SLC7A8: variants seen among roughly 807,000 people sequenced by gnomAD.
SLC7A8 encodes the protein solute carrier family 7 member 8, also known as large neutral amino acids transporter small subunit 2.
In SLC7A8, 30 loss-of-function variants were observed where a neutral mutation model predicts 51.2. That is an observed-to-expected ratio of 0.59 (90% CI 0.44 to 0.80). SLC7A8 has a LOEUF of 0.80. Ranked by LOEUF, SLC7A8 falls within the 30% of genes least tolerant of loss-of-function variation. The probability of loss-of-function intolerance (pLI) is 0.00; values close to 1 mark genes in which losing one functional copy is unlikely to be tolerated. For synonymous variants in SLC7A8, 257 were observed against 275.8 expected, an observed-to-expected ratio of 0.93 and a Z score of 0.67; for missense variants, 612 against 674.4, an observed-to-expected ratio of 0.91 and a Z score of 1.03.
chr14:23,179,888 C>T (rs1295886216), intron 1 of SLC7A8, among the ~76,000 whole-genome samples: 1 of 149,244 alleles, frequency 6.7e-6, no homozygotes, highest in Non-Finnish European at 1.5e-5. Context: ...ACTTAGAAAA[C>T]TTCCTTTCTC....
chr14:23,171,507 A>G (rs1035147400), intron 1 of SLC7A8, among the ~76,000 whole-genome samples: 7 of 152,216 alleles, frequency 4.6e-5, no homozygotes, highest in Non-Finnish European at 7.3e-5. Context: ...ACAGCCATCA[A>G]AGAATTTCCT....
chr14:23,140,550 C>T lies in SLC7A8; in HGVS notation c.709G>A (p.Ala237Thr). ...TAGGCAAAGGAGCCCTGAAGGAAAG[C>T]CAGTGCGACGAGGCCGATGTCAGGT... ...QEPDIGLVALAFLQGSFAYGG... is the reference protein window; with the variant it reads ...QEPDIGLVALTFLQGSFAYGG... The change falls in exon 5 of 11, where the codon GCT becomes ACT. Residue 237 changes from alanine to threonine, a missense_variant. By Grantham distance (58) the Ala-to-Thr change is moderately conservative. Coordinates refer to ENST00000316902, the MANE Select transcript of SLC7A8 (RefSeq NM_012244.4). The T allele has an allele frequency of 1.2e-6, 2 of 1,614,144 alleles. No individual in the cohort carries two copies. The highest frequency in any genetic ancestry group is 2.2e-5 in the South Asian group (2 of 91,076).
chr14:23,155,242 A>G (rs1166486293), intron 3 of SLC7A8: 1 of 1,535,972 alleles, frequency 6.5e-7, no homozygotes, highest in Non-Finnish European at 8.7e-7. Context: ...TCTCTCTTCC[A>G]AGGACACACC....
intron 7 of SLC7A8, among the ~76,000 whole-genome samples, chr14:23,131,955 T>C (rs1389336586): frequency 1.3e-5 from 2 of 151,482 alleles, no homozygotes; most frequent in Non-Finnish European, 2.9e-5. Context: ...GATTCCCTAA[T>C]ACACTGGGAC....
intron 4 of SLC7A8, among the ~76,000 whole-genome samples, chr14:23,141,535 C>T (rs947071349): frequency 2.0e-5 from 3 of 152,138 alleles, no homozygotes; most frequent in Non-Finnish European, 4.4e-5. Flanking sequence ...CTGCAACCTC[C>T]GCCTCCCAGG....
At chr14:23,158,782 T>C (rs2048907149) in intron 3 of SLC7A8, among the ~76,000 whole-genome samples, 1 of 152,238 alleles carries the variant, frequency 6.6e-6, no homozygotes, top group South Asian at 2.1e-4. Context: ...ATTCTACTCC[T>C]AAATCTTTCT....
At position 23,165,183 on chromosome 14, in the gene SLC7A8, G is replaced by A. The variant is rs1451514614; in HGVS notation, c.508+102C>T. On this transcript the variant is annotated intron_variant, in intron 3 of 10. Transcript: ENST00000316902. The surrounding 1 kb of genome is among the most constrained non-coding windows in gnomAD (Gnocchi z 4.2). ...CAGTGAGCTATGATCATGCGGCTGC[G>A]CTCCAGCCTGAGTGACAGAGTGAAG... The A allele has an allele frequency of 1.2e-5, 15 of 1,208,022 alleles. No homozygotes were observed. The highest frequency in any genetic ancestry group is 2.9e-4 in the Middle Eastern group (1 of 3,422). The allele number at this position is 1,208,022 out of a possible 1,614,324, so 74.8% of individuals were successfully genotyped here. A position where few individuals can be genotyped will look rare whatever the true frequency, so the allele number is the denominator to read the frequency against.
At chr14:23,132,100 G>A (rs563844977) in intron 7 of SLC7A8, among the ~76,000 whole-genome samples, 2 of 149,244 alleles carry the variant, frequency 1.3e-5, no homozygotes, top group South Asian at 4.2e-4. Context: ...CGCCTCCCAG[G>A]TTTAAGCAAT....
intron 1 of SLC7A8, among the ~76,000 whole-genome samples, chr14:23,167,632 C>G (rs954036389): frequency 3.9e-5 from 6 of 152,072 alleles, no homozygotes; most frequent in African/African-American, 1.4e-4. Flanking sequence ...GTTCCTCTGT[C>G]CACTTCTTGT....
chr14:23,176,667 C>T (rs866596992), intron 1 of SLC7A8, among the ~76,000 whole-genome samples: 5 of 151,990 alleles, frequency 3.3e-5, no homozygotes, highest in Non-Finnish European at 4.4e-5. Context: ...TTAGGCTGGG[C>T]GCGGTGGCTC....
intron 5 of SLC7A8, 54 bp from the exon 6 acceptor site, chr14:23,139,601 G>A (rs2048724117): frequency 6.3e-7 from 1 of 1,580,160 alleles, no homozygotes; most frequent in Non-Finnish European, 8.6e-7. Context: ...CACCCGCCTT[G>A]CCATGGAGTC....
chr14:23,166,960 T>C (rs2048953508), intron 1 of SLC7A8, among the ~76,000 whole-genome samples: 1 of 152,098 alleles, frequency 6.6e-6, no homozygotes, highest in Non-Finnish European at 1.5e-5. Flanking sequence ...CCTTCAAGAC[T>C]CTCTGAAAAT....
chr14:23,177,251 G>A (rs898827226), intron 1 of SLC7A8, among the ~76,000 whole-genome samples: 4 of 152,210 alleles, frequency 2.6e-5, no homozygotes, highest in Admixed American at 1.3e-4. Flanking sequence ...GTAGTGAAAC[G>A]TAACCTAACT....
In SLC7A8 at chr14:23,128,218, C is replaced by T. The variant is rs752529547; in HGVS notation, c.1264-22G>A. On this transcript the variant is annotated intron_variant, in intron 9 of 10. Transcript: ENST00000316902. This position sits in a 1 kb window ranked among gnomAD's most constrained non-coding sequence, Gnocchi z 4.3. Reference sequence around the variant, plus strand: ...TGATCTGTGGAGCAGAGGCATGAGGCGTATGAACTGTGTAGGCCACGTGGC... The same window carrying T: ...TGATCTGTGGAGCAGAGGCATGAGGTGTATGAACTGTGTAGGCCACGTGGC... 23 of 1,613,298 alleles carry T rather than the reference C, an allele frequency of 1.4e-5. No individual in the cohort carries two copies. The highest frequency in any genetic ancestry group is 1.0e-4 in the Admixed American group (6 of 59,938).
At chr14:23,180,518 G>A (rs555653275) in intron 1 of SLC7A8, among the ~76,000 whole-genome samples, 1 of 152,232 alleles carries the variant, frequency 6.6e-6, no homozygotes, top group East Asian at 1.9e-4. Context: ...CTCATGTTTT[G>A]CAAAAATATC....
intron 1 of SLC7A8, among the ~76,000 whole-genome samples, chr14:23,167,919 C>T (rs2048958083): frequency 1.3e-5 from 2 of 152,120 alleles, no homozygotes; most frequent in South Asian, 4.1e-4. Flanking sequence ...AGATCTCAAC[C>T]ATAACTCAAC....
At chr14:23,167,041 G>A (rs543155123) in intron 1 of SLC7A8, among the ~76,000 whole-genome samples, 183 of 152,290 alleles carry the variant, frequency 1.2e-3, no homozygotes, top group African/African-American at 4.0e-3. Context: ...TGAGCCAAAG[G>A]GCAATATTTT....
intron 4 of SLC7A8, among the ~76,000 whole-genome samples, chr14:23,142,169 C>T (rs1259132018): frequency 6.6e-6 from 1 of 152,226 alleles, no homozygotes; most frequent in Non-Finnish European, 1.5e-5. Flanking sequence ...GGGCTGCCCA[C>T]ACTGCCTTCA....
Position 23,183,127 on chromosome 14 carries a change from A to G in SLC7A8, c.-213T>C, listed in dbSNP as rs1344606294. The G allele has an allele frequency of 4.3e-6, 1 of 231,108 alleles. No individual in the cohort carries two copies. Among genetic ancestry groups the G allele is most frequent in the East Asian group, 1.0e-4 (1 of 9,972 alleles). The allele number at this position is 231,108 out of a possible 1,614,324, so 14.3% of individuals were successfully genotyped here. A position where few individuals can be genotyped will look rare whatever the true frequency, so the allele number is the denominator to read the frequency against. ...TGGTCACTCGCGTTTACAAACAAGA[A>G]AAGTGTTGCTAAAAAAAAAAAAAAA... is the stretch of plus-strand genomic sequence containing the variant. On this transcript the variant is annotated 5_prime_UTR_variant, in exon 1 of 11. Transcript: ENST00000316902.
Sources: allele counts gnomAD v4.1 joint callset (sites outside exome capture counted in the v4.1 genomes callset), GRCh38; gene constraint gnomAD v4.1.1; non-coding constraint Gnocchi (gnomAD v3.1); transcripts MANE v1.5; gene names NCBI Gene and HGNC (gene_info 2026-07-23, HGNC 2026-07-21).